FAR2: variants seen among roughly 807,000 people sequenced by gnomAD.
The protein encoded by FAR2 is fatty acyl-CoA reductase 2.
In FAR2, 19 loss-of-function variants were observed where a neutral mutation model predicts 56.0. That is an observed-to-expected ratio of 0.34 (90% CI 0.24 to 0.50). The LOEUF is 0.50. Among genes scored for constraint, FAR2 ranks in the 20% least tolerant of loss-of-function variants. FAR2 has a pLI of 0.98. For missense variants in FAR2, 508 were observed against 642.2 expected, an observed-to-expected ratio of 0.79 and a Z score of 2.26; for synonymous variants, 219 against 218.8, an observed-to-expected ratio of 1.00 and a Z score of -0.01.
At chr12:29,172,735 T>A (rs1402707264) in intron 1 of FAR2, among the ~76,000 whole-genome samples, 1 of 152,226 alleles carries the variant, frequency 6.6e-6, no homozygotes, top group Non-Finnish European at 1.5e-5. Context: ...GTATATTTTC[T>A]TAAGGCCTCC....
At chr12:29,197,331 A>G (rs1050484319) in intron 1 of FAR2, among the ~76,000 whole-genome samples, 1 of 152,228 alleles carries the variant, frequency 6.6e-6, no homozygotes, top group Non-Finnish European at 1.5e-5. Context: ...AGAGATGTAC[A>G]GTCTTACACT....
At chr12:29,311,632 CT>C (rs1949353130) in intron 7 of FAR2, among the ~76,000 whole-genome samples, 1 of 150,764 alleles carries the variant, frequency 6.6e-6, no homozygotes, top group African/African-American at 2.5e-5. Context: ...CATATATGTA[CT>C]CCATAATATG....
chr12:29,163,297 C>T (rs1018192760), intron 1 of FAR2, among the ~76,000 whole-genome samples: 2 of 152,210 alleles, frequency 1.3e-5, no homozygotes, highest in Non-Finnish European at 2.9e-5. Context: ...TCTGCTAATT[C>T]ATTCTTCCGT....
In FAR2 at chr12:29,234,300, T is replaced by C. The variant is rs188970932; in HGVS notation, c.-38-36112T>C. On this transcript the variant is annotated intron_variant, in intron 1 of 11. Coordinates refer to ENST00000536681, the MANE Select transcript of FAR2 (RefSeq NM_001271783.2). ...TCATAATCTTTTTCAGCAGACCCGA[T>C]AGTTCTCTTTTTTCCCCTTTCCTAG... 2.8e-3 allele frequency among the ~76,000 whole-genome samples: 426 copies of C among 152,262 alleles called. 4 individuals are homozygous for C. The highest frequency in any genetic ancestry group is 9.8e-3 in the African/African-American group (409 of 41,542).
Position 29,261,321 on chromosome 12 carries a change from G to C in FAR2, c.-38-9091G>C, listed in dbSNP as rs568205834. Among the ~76,000 whole-genome samples the C allele has an allele frequency of 3.3e-5, 5 of 152,288 alleles. 1 individual carries two copies. The highest frequency in any genetic ancestry group is 1.2e-4 in the African/African-American group (5 of 41,562). On this transcript the variant is annotated intron_variant, in intron 1 of 11. Transcript: ENST00000536681. ...AATGCATCAGAGTCTCTTAACATGA[G>C]AGTTGATCCAGCAGAAGAAAGAACT...
intron 10 of FAR2, among the ~76,000 whole-genome samples, chr12:29,330,425 G>A (rs1345928573): frequency 6.6e-6 from 1 of 152,106 alleles, no homozygotes; most frequent in Non-Finnish European, 1.5e-5. Context: ...TAAAGCAAAA[G>A]CAATATGCAC....
rs77921139 is a variant in FAR2, at chr12:29,177,759, G to A, written c.-39+28352G>A. ...ATGGTATTTTTATCCCCATTTCACA[G>A]ATGCGTTCCAAGATTTTCCTGAGAT... On this transcript the variant is annotated intron_variant, in intron 1 of 11. Transcript: ENST00000536681. 5.1e-3 allele frequency among the ~76,000 whole-genome samples: 772 copies of A among 152,134 alleles called. 13 individuals carry two copies. The highest frequency in any genetic ancestry group is 0.017 in the African/African-American group (724 of 41,500).
At chr12:29,331,163 C>CTTT (rs1286412198) in intron 10 of FAR2, among the ~76,000 whole-genome samples, 1 of 150,342 alleles carries the variant, frequency 6.7e-6, no homozygotes, top group Non-Finnish European at 1.5e-5. Flanking sequence ...TTAAGAGTAA[C>CTTT]GAGCAACTTT....
Position 29,301,080 on chromosome 12 carries a change from C to G in FAR2, c.545+3880C>G, listed in dbSNP as rs73065515. Among the ~76,000 whole-genome samples, 850 of 152,298 alleles carry G rather than the reference C, an allele frequency of 5.6e-3. 9 individuals carry two copies. Among genetic ancestry groups the G allele is most frequent in the Middle Eastern group, 0.034 (10 of 294 alleles). On this transcript the variant is annotated intron_variant, in intron 4 of 11. Transcript: ENST00000536681. ...GCTGAGACTGTCAGGCCTGAGCTCC[C>G]TTTCTTTAGCCCCTATCTAAAAACT... is the stretch of plus-strand genomic sequence containing the variant.
At chr12:29,311,795 C>A in intron 7 of FAR2, 88 bp from the exon 8 acceptor site, 1 of 936,202 alleles carries the variant, frequency 1.1e-6, no homozygotes, top group African/African-American at 1.7e-5. Context: ...TTACTGAAAC[C>A]ACTCTGTCTA....
chr12:29,247,814 A>C (rs1464455305), intron 1 of FAR2, among the ~76,000 whole-genome samples: 2 of 152,218 alleles, frequency 1.3e-5, no homozygotes, highest in Admixed American at 1.3e-4. Flanking sequence ...AGAAATTAAG[A>C]TATTTTTCAT....
chr12:29,241,739 TG>T (rs1948039786), intron 1 of FAR2, among the ~76,000 whole-genome samples: 2 of 152,212 alleles, frequency 1.3e-5, no homozygotes, highest in Admixed American at 6.5e-5. Context: ...AAAAGTCTCC[TG>T]TTTCCTGTTG....
chr12:29,196,718 G>A (rs891908707), intron 1 of FAR2, among the ~76,000 whole-genome samples: 5 of 152,026 alleles, frequency 3.3e-5, no homozygotes, highest in South Asian at 2.1e-4. Context: ...AAAATCATGA[G>A]TAAGATCTCA....
intron 6 of FAR2, among the ~76,000 whole-genome samples, 189 bp from the exon 7 acceptor site, chr12:29,310,839 G>A (rs531820606): frequency 2.6e-4 from 40 of 152,156 alleles, no homozygotes; most frequent in Non-Finnish European, 5.4e-4. Context: ...TGCTGGAGAC[G>A]CATGCACTTG....
intron 1 of FAR2, among the ~76,000 whole-genome samples, chr12:29,253,311 A>C (rs1240163813): frequency 2.0e-5 from 3 of 150,990 alleles, no homozygotes; most frequent in Non-Finnish European, 3.0e-5. Context: ...AGATATCTAT[A>C]TATCTATATC....
intron 1 of FAR2, among the ~76,000 whole-genome samples, chr12:29,186,411 C>T (rs899892965): frequency 6.6e-6 from 1 of 152,180 alleles, no homozygotes; most frequent in African/African-American, 2.4e-5. Flanking sequence ...GGAGATTGGT[C>T]TGATAGACTG....
At chr12:29,313,631 ATCAGTTTTAGTAAATTATATTTGTC>A (rs1949391054) in intron 8 of FAR2, among the ~76,000 whole-genome samples, 1 of 152,132 alleles carries the variant, frequency 6.6e-6, no homozygotes, top group African/African-American at 2.4e-5. Context: ...TTCTACTGGA[ATCAGTTTTAGTAAATTATATTTGTC>A]TCTTTTTCTA....
chr12:29,268,681 G>A (rs1384008696), intron 1 of FAR2, among the ~76,000 whole-genome samples: 4 of 152,206 alleles, frequency 2.6e-5, no homozygotes, highest in Non-Finnish European at 5.9e-5. Context: ...TCAAGGAAGA[G>A]ATTAACAAAA....
At chr12:29,215,669 A>G (rs1214730475) in intron 1 of FAR2, among the ~76,000 whole-genome samples, 1 of 152,222 alleles carries the variant, frequency 6.6e-6, no homozygotes, top group East Asian at 1.9e-4. Context: ...TGAGGTAATT[A>G]TCATTAAATA....
Sources: allele counts gnomAD v4.1 joint callset (sites outside exome capture counted in the v4.1 genomes callset), GRCh38; gene constraint gnomAD v4.1.1; transcripts MANE v1.5; gene names NCBI Gene and HGNC (gene_info 2026-07-23, HGNC 2026-07-21).